Variants in GPHN observed in about 807,000 individuals in gnomAD.
The protein encoded by GPHN is gephyrin.
In GPHN, 17 loss-of-function variants were observed where a neutral mutation model predicts 95.5. The observed-to-expected ratio is 0.18, with a 90% CI of 0.12 to 0.27. GPHN has a LOEUF of 0.27. GPHN is among the 10% of genes least tolerant of loss of function. The pLI is 1.00. For missense variants in GPHN, 660 were observed against 978.1 expected (o/e 0.67, Z 4.34); for synonymous variants, 320 against 322.5 (o/e 0.99, Z 0.08).
intron 3 of GPHN, among the ~76,000 whole-genome samples, chr14:66,806,051 C>T (rs1021936202): frequency 3.9e-5 from 6 of 152,202 alleles, no homozygotes; most frequent in African/African-American, 1.4e-4. Flanking sequence ...GGCATCCAGG[C>T]GTTTTCATAT....
In GPHN at chr14:66,863,551, T is replaced by C. The variant is rs150265852; in HGVS notation, c.295-16388T>C. 1.6e-3 allele frequency among the ~76,000 whole-genome samples: 237 copies of C among 152,164 alleles called. 6 individuals are homozygous for C. In the East Asian group the frequency reaches 0.042, roughly 27 times the overall value. ...AAAGAACAAAACTGGAGGAATCATATTACCTGACTTCAAAGTATATTATAG... is the reference window on the plus strand; with the variant it reads ...AAAGAACAAAACTGGAGGAATCATACTACCTGACTTCAAAGTATATTATAG... On this transcript the variant is annotated intron_variant, in intron 4 of 22. Transcript: ENST00000478722.
At chr14:67,631,121 T>C in the GPHN span, among the ~76,000 whole-genome samples, 1 of 152,166 alleles carries the variant, frequency 6.6e-6, no homozygotes, top group East Asian at 1.9e-4. Flanking sequence ...GTGCAACCCT[T>C]ACCCTCCACC....
At chr14:67,019,086 A>T (rs979024524) in intron 9 of GPHN, among the ~76,000 whole-genome samples, 2 of 152,206 alleles carry the variant, frequency 1.3e-5, no homozygotes, top group African/African-American at 4.8e-5. Context: ...AGCAAAGTTG[A>T]ATTTTTTCCT....
At chr14:67,717,694 G>A in the GPHN span, 1 of 152,246 alleles carries the variant, frequency 6.6e-6, no homozygotes, top group South Asian at 2.1e-4. Context: ...GCATCTCAGT[G>A]GGTAGAGGCC....
chr14:67,627,256 GATATATATATATAT>G, the GPHN span, among the ~76,000 whole-genome samples: 1 of 133,748 alleles, frequency 7.5e-6, no homozygotes, highest in Non-Finnish European at 1.6e-5. Flanking sequence ...TCAGTAAGGA[GATATATATATATAT>G]ATATATATAT....
chr14:67,428,089 T>G, the GPHN span, among the ~76,000 whole-genome samples: 1 of 152,110 alleles, frequency 6.6e-6, no homozygotes, highest in Non-Finnish European at 1.5e-5. Context: ...CCAGCTAATT[T>G]TTGTATTTTA....
At position 66,922,749 on chromosome 14, in the gene GPHN, T is replaced by A; in HGVS notation, c.540T>A (p.His180Gln). Residue 180 changes from histidine (H) to glutamine (Q), a missense_variant, in exon 7 of 23, where the codon CAT becomes CAA. By Grantham distance (24) the His-to-Gln change is conservative. Coordinates refer to ENST00000478722, the MANE Select transcript of GPHN (RefSeq NM_020806.5). ...RDAIVKVKEV[H>Q]DELEDLPSPP... ...CCATTGTAAAAGTAAAGGAGGTGCA[T>A]GATGAACTTGAAGATTTGCCTTCCC... 6.2e-7 allele frequency: 1 copy of A among 1,613,716 alleles called. No individual in the cohort carries two copies. Among genetic ancestry groups the A allele is most frequent in the Non-Finnish European group, 8.5e-7 (1 of 1,179,610 alleles).
At chr14:67,121,576 A>G (rs193071726) in intron 16 of GPHN, among the ~76,000 whole-genome samples, 1 of 152,344 alleles carries the variant, frequency 6.6e-6, no homozygotes, top group East Asian at 1.9e-4. Flanking sequence ...TTCCTACTCT[A>G]CAATCTGACT....
chr14:67,027,433 T>A (rs2073983454), intron 10 of GPHN, among the ~76,000 whole-genome samples: 1 of 151,946 alleles, frequency 6.6e-6, no homozygotes, highest in Non-Finnish European at 1.5e-5. Context: ...CAGGTTCAAG[T>A]GATTCTCCTG....
chr14:66,574,714 A>T (rs1238565993), intron 1 of GPHN, among the ~76,000 whole-genome samples: 1 of 152,222 alleles, frequency 6.6e-6, no homozygotes, highest in Non-Finnish European at 1.5e-5. Context: ...TAAGTGGGCA[A>T]GGTCTGCTGT....
At chr14:67,586,224 C>A in the GPHN span, 1 of 1,209,058 alleles carries the variant, frequency 8.3e-7, no homozygotes, top group Non-Finnish European at 1.2e-6. Context: ...TTGGTCTTGT[C>A]TGTAATTAGT....
intron 5 of GPHN, among the ~76,000 whole-genome samples, chr14:66,906,731 C>A (rs2065399530): frequency 1.3e-5 from 2 of 152,078 alleles, no homozygotes; most frequent in Admixed American, 1.3e-4. Context: ...CTCTTTGATC[C>A]ATAGATTATT....
chr14:66,690,794 A>G (rs1306624886), intron 2 of GPHN, among the ~76,000 whole-genome samples: 1 of 151,496 alleles, frequency 6.6e-6, no homozygotes, highest in African/African-American at 2.4e-5. Context: ...TTTTGTTTTT[A>G]TGTTTGTTTG....
At chr14:66,985,605 C>T in intron 9 of GPHN, 2 of 883,356 alleles carry the variant, frequency 2.3e-6, no homozygotes, top group South Asian at 1.4e-5. Context: ...GCATGTATTA[C>T]TTACTAATGT....
At chr14:67,399,099 T>G in the GPHN span, among the ~76,000 whole-genome samples, 1 of 152,242 alleles carries the variant, frequency 6.6e-6, no homozygotes, top group Non-Finnish European at 1.5e-5. Context: ...TCAAAGGATG[T>G]GGGCAATATG....
the GPHN span, chr14:67,586,025 T>G: frequency 6.8e-6 from 11 of 1,613,948 alleles, no homozygotes; most frequent in Admixed American, 5.0e-5. Context: ...TGCTTGTGAT[T>G]AGATCTATCC....
chr14:67,488,348 TCA>T, the GPHN span, among the ~76,000 whole-genome samples: 1 of 152,188 alleles, frequency 6.6e-6, no homozygotes, highest in South Asian at 2.1e-4. Flanking sequence ...GAACTGAAAC[TCA>T]CTGTATGGTG....
chr14:67,247,338 A>C, the GPHN span, among the ~76,000 whole-genome samples: 1 of 152,298 alleles, frequency 6.6e-6, no homozygotes, highest in East Asian at 1.9e-4. Flanking sequence ...GGTATATAGA[A>C]ATTAATTTTT....
the GPHN span, among the ~76,000 whole-genome samples, chr14:67,399,309 A>C: frequency 5.5e-5 from 8 of 146,782 alleles, no homozygotes; most frequent in South Asian, 1.6e-3. Context: ...AGAGAAGGGT[A>C]GTTTAGGTGG....
Sources: allele counts gnomAD v4.1 joint callset (sites outside exome capture counted in the v4.1 genomes callset), GRCh38; gene constraint gnomAD v4.1.1; transcripts MANE v1.5; gene names NCBI Gene and HGNC (gene_info 2026-07-23, HGNC 2026-07-21).